EDRF1: variants seen among roughly 807,000 people sequenced by gnomAD.
EDRF1 encodes the protein erythroid differentiation-related factor 1.
Under a neutral mutation model 148.7 loss-of-function variants are expected in EDRF1, and 69 were observed. That is an observed-to-expected ratio of 0.46 (90% confidence interval 0.38 to 0.57). EDRF1 has a LOEUF of 0.57. Among genes scored for constraint, EDRF1 ranks in the 20% least tolerant of loss-of-function variants. The pLI is 0.00. For synonymous variants in EDRF1, 515 were observed against 532.8 expected (o/e 0.97, Z 0.46); for missense variants, 1,118 against 1,478.7 (o/e 0.76, Z 4.00).
intron 21 of EDRF1, 77 bp from the exon 22 acceptor site, chr10:125,749,335 A>T: frequency 6.4e-7 from 1 of 1,562,464 alleles, no homozygotes; most frequent in Non-Finnish European, 8.8e-7. Context: ...AGTGGGGGAA[A>T]AATAACTAAG....
In EDRF1 at chr10:125,748,015, A is replaced by G. The variant is rs1165705756; in HGVS notation, c.3123+3A>G. 1.9e-6 allele frequency: 3 copies of G among 1,614,050 alleles called. No individual in the cohort carries two copies. Among genetic ancestry groups the G allele is most frequent in the Non-Finnish European group, 8.5e-7 (1 of 1,180,024 alleles). Reference sequence around the variant, plus strand: ...ACCACAGCTGTCTGAGGAATCAGGTATTGTCAGTCCAAGTTAAGTACAGTG... The same window carrying G: ...ACCACAGCTGTCTGAGGAATCAGGTGTTGTCAGTCCAAGTTAAGTACAGTG... On this transcript the variant is annotated splice_donor_region_variant and intron_variant, in intron 21 of 24. Coordinates refer to ENST00000356792, the MANE Select transcript of EDRF1 (RefSeq NM_001202438.2).
intron 22 of EDRF1, chr10:125,752,211 C>T (rs1199951919): frequency 6.5e-6 from 1 of 153,712 alleles, no homozygotes; most frequent in Non-Finnish European, 1.4e-5. Flanking sequence ...TTAGTGGTTA[C>T]CTTCTGGGAG....
rs759048100 is a variant in EDRF1, at chr10:125,747,533, C to T, written c.2815-3C>T. On this transcript the variant is annotated splice_region_variant and splice_polypyrimidine_tract_variant and intron_variant, in intron 19 of 24. Coordinates refer to ENST00000356792, the MANE Select transcript of EDRF1 (RefSeq NM_001202438.2). ...GAAATGTACACTGTTTTCTCCTTTGCAGGCTATTGATTACTATTTGAAAGC... is the reference window on the plus strand; with the variant it reads ...GAAATGTACACTGTTTTCTCCTTTGTAGGCTATTGATTACTATTTGAAAGC... 6.2e-7 allele frequency: 1 copy of T among 1,614,072 alleles called. No individual in the cohort carries two copies. The highest frequency in any genetic ancestry group is 1.7e-5 in the Admixed American group (1 of 60,020).
At chr10:125,757,538 G>C (rs1447869337) in intron 24 of EDRF1, among the ~76,000 whole-genome samples, 1 of 152,144 alleles carries the variant, frequency 6.6e-6, no homozygotes, top group African/African-American at 2.4e-5. Context: ...TTCCATTTCA[G>C]TACTCTTACT....
intron 19 of EDRF1, 29 bp from the exon 20 acceptor site, chr10:125,747,507 A>T (rs1342077082): frequency 6.2e-7 from 1 of 1,613,716 alleles, no homozygotes; most frequent in South Asian, 1.1e-5. Context: ...AAGCTGAGTC[A>T]GAAATGTACA....
chr10:125,761,879 T>A (rs1482642251), intron 24 of EDRF1, among the ~76,000 whole-genome samples: 2 of 152,346 alleles, frequency 1.3e-5, no homozygotes, highest in South Asian at 4.1e-4. Context: ...TGTTAAGTGC[T>A]AATGCCTTGA....
intron 24 of EDRF1, among the ~76,000 whole-genome samples, chr10:125,755,417 T>G (rs1849857226): frequency 6.6e-6 from 1 of 152,208 alleles, no homozygotes; most frequent in Non-Finnish European, 1.5e-5. Flanking sequence ...TGTTGATAAT[T>G]TTTGTGTCTA....
chr10:125,719,946 G>A (rs1431598695), intron 1 of EDRF1, 31 bp downstream of exon 1: 1 of 1,593,112 alleles, frequency 6.3e-7, no homozygotes, highest in Non-Finnish European at 8.6e-7. Flanking sequence ...GACCTGCCAG[G>A]GATGTGGGAG....
At chr10:125,732,654 T>A (rs1848532136) in intron 9 of EDRF1, among the ~76,000 whole-genome samples, 1 of 152,130 alleles carries the variant, frequency 6.6e-6, no homozygotes, top group Admixed American at 6.5e-5. Context: ...ATAATCAACA[T>A]TGGGGACTTC....
intron 12 of EDRF1, 99 bp downstream of exon 12, chr10:125,734,282 GC>G (rs1848625888): frequency 5.5e-6 from 5 of 904,424 alleles, no homozygotes; most frequent in Admixed American, 5.5e-5. Flanking sequence ...TTCCGTAACT[GC>G]CCTATTCAGT....
intron 14 of EDRF1, 136 bp from the exon 15 acceptor site, chr10:125,738,159 A>G (rs187792453): frequency 7.1e-7 from 1 of 1,399,522 alleles, no homozygotes; most frequent in Admixed American, 1.7e-5. Context: ...CTTTCAGATC[A>G]AACATAGTTT....
chr10:125,729,131 A>T, intron 7 of EDRF1, 27 bp downstream of exon 7: 1 of 1,539,034 alleles, frequency 6.5e-7, no homozygotes, highest in Non-Finnish European at 8.7e-7. Flanking sequence ...GTCCAAGGTG[A>T]CAGCAAATCC....
intron 6 of EDRF1, 78 bp downstream of exon 6, chr10:125,725,916 A>AG: frequency 2.1e-6 from 3 of 1,448,944 alleles, no homozygotes; most frequent in South Asian, 2.4e-5. Flanking sequence ...AAAAAAAAAA[A>AG]AGATGAACAG....
At chr10:125,737,725 CTAGTT>C (rs1165209135) in intron 13 of EDRF1, among the ~76,000 whole-genome samples, 188 bp from the exon 14 acceptor site, 2 of 152,170 alleles carry the variant, frequency 1.3e-5, no homozygotes, top group African/African-American at 4.8e-5. Context: ...CATTACTACT[CTAGTT>C]CTTGCTTTTT....
chr10:125,744,459 C>G (rs910015387), intron 18 of EDRF1, among the ~76,000 whole-genome samples: 5 of 152,172 alleles, frequency 3.3e-5, no homozygotes, highest in Non-Finnish European at 5.9e-5. Context: ...TCTGGGATTA[C>G]AGGCATGAGC....
chr10:125,724,444 A>G (rs989831604), intron 4 of EDRF1, among the ~76,000 whole-genome samples: 7 of 152,214 alleles, frequency 4.6e-5, no homozygotes, highest in South Asian at 2.1e-4. Flanking sequence ...CAGATACACA[A>G]ATACTTCAGT....
In EDRF1 at chr10:125,730,363, G is replaced by A. The variant is rs753983724; in HGVS notation, c.1092G>A (p.Glu364=). 5.0e-6 allele frequency: 8 copies of A among 1,613,850 alleles called. No homozygotes were observed. The highest frequency in any genetic ancestry group is 4.5e-5 in the East Asian group (2 of 44,862). Residue 364 remains glutamate (E), a synonymous_variant, in exon 9 of 25, where the codon GAG becomes GAA. Coordinates refer to ENST00000356792, the MANE Select transcript of EDRF1 (RefSeq NM_001202438.2). ...ACAACTTGATATGCAATGTGCCAGA[G>A]CTTGTGATGTGTTTTCATGTAAATG... The part of the protein sequence containing the change: ...WLDNLICNVP[E]LVMCFHVNGI...
intron 2 of EDRF1, 80 bp from the exon 3 acceptor site, chr10:125,722,988 G>A (rs1848078868): frequency 1.8e-6 from 2 of 1,100,228 alleles, no homozygotes; most frequent in Admixed American, 3.4e-5. Context: ...GAAGCAATGA[G>A]CTACAGTATT....
rs760008487 is a variant in EDRF1 at position 125,763,465 on chromosome 10, T to C, written c.3710T>C (p.Val1237Ala). 1 of 1,606,924 alleles carries C rather than the reference T, an allele frequency of 6.2e-7. No homozygotes were observed. Among genetic ancestry groups the C allele is most frequent in the Non-Finnish European group, 8.5e-7 (1 of 1,179,948 alleles). ...AAGSAASSNA[V>A]Q ...GGCAGTGCAGCGAGCAGCAATGCCG[T>C]TCAGTGACTGCACAGAGCCGTGTCC... Residue 1237 changes from valine (V) to alanine (A), a missense_variant, in exon 25 of 25, where the codon GTT (valine) becomes GCT (alanine). By Grantham distance (64) the Val-to-Ala change is moderately conservative (BLOSUM62 0). Around this residue, in one of 3 missense-constraint regions of EDRF1, gnomAD observed 954 missense variants for 1,241.4 expected, o/e 0.77. Transcript: ENST00000356792. The surrounding 1 kb of genome is among the most constrained non-coding windows in gnomAD (Gnocchi z 4.3).
Sources: gnomAD v4.1 joint callset for allele counts (sites outside exome capture counted in the v4.1 genomes callset) on GRCh38, gnomAD v4.1.1 for gene constraint, gnomAD v4.1.1 regional missense constraint, Gnocchi (gnomAD v3.1) non-coding constraint, MANE v1.5 for transcripts, NCBI Gene and HGNC (gene_info 2026-07-23, HGNC 2026-07-21) for gene names.